The following CTSH variants were observed in gnomAD, a reference collection of about 807,000 sequenced individuals.
CTSH encodes cathepsin H, also known as pro-cathepsin H.
A neutral mutation model predicts 56.3 loss-of-function variants in CTSH; 52 were observed. The ratio of observed to expected loss-of-function variants is 0.92; its 90% CI spans 0.74 to 1.16. The LOEUF (loss-of-function observed/expected upper bound fraction) is 1.16, where lower values mean the gene tolerates loss of function less well. Ranked by LOEUF, CTSH falls within the 50% of genes most tolerant of loss-of-function variation. The probability of loss-of-function intolerance (pLI) is 0.00; values close to 1 mark genes in which losing one functional copy is unlikely to be tolerated. For missense variants in CTSH, 406 were observed against 424.5 expected (o/e 0.96, Z 0.38); for synonymous variants, 174 against 155.7 (o/e 1.12, Z -0.88).
In CTSH at chr15:78,921,773, G is replaced by A. The variant is rs147089658; in HGVS notation, c.*357C>T. On this transcript the variant is annotated 3_prime_UTR_variant, in exon 12 of 12. Coordinates refer to ENST00000220166, the MANE Select transcript of CTSH (RefSeq NM_004390.5). Reference sequence around the variant, plus strand: ...GCCCAGGACCAGCATGCTCCATCTGGGGAGGTGCTCACTCAATGTTTATTG... The same window carrying A: ...GCCCAGGACCAGCATGCTCCATCTGAGGAGGTGCTCACTCAATGTTTATTG... 19 of 221,272 alleles carry A rather than the reference G, an allele frequency of 8.6e-5. No homozygotes were observed. The East Asian group carries it at 2.4e-3, about 28-fold the overall frequency. 13.7% of individuals were successfully genotyped at this position (221,272 alleles called of 1,614,324 possible).
rs1376887728 is a variant in CTSH, at chr15:78,929,441, C to T, written c.601G>A (p.Gly201Ser). The change falls in exon 8 of 12, where the codon GGT (glycine) becomes AGT (serine). Residue 201 changes from glycine (G) to serine (S), a missense_variant. By Grantham distance (56) the Gly-to-Ser change is moderately conservative. Coordinates refer to ENST00000220166, the MANE Select transcript of CTSH (RefSeq NM_004390.5). ...EYILYNKGIM[G>S]EDTYPYQGKD... ...CCCTGGTAGGGGTAGGTGTCTTCAC[C>T]CATGATCCCCTTGTTGTACAGGATA... 2.5e-6 allele frequency: 4 copies of T among 1,612,142 alleles called. No individual in the cohort carries two copies. Among genetic ancestry groups the T allele is most frequent in the Non-Finnish European group, 2.5e-6 (3 of 1,179,078 alleles).
At chr15:78,944,721 G>C (rs1027649020) in intron 1 of CTSH, 170 bp downstream of exon 1, 6 of 1,236,026 alleles carry the variant, frequency 4.9e-6, no homozygotes, top group East Asian at 3.1e-5. Flanking sequence ...GAGAACCCCC[G>C]CCTATAATGC....
At chr15:78,930,723 C>T (rs2055039127) in intron 7 of CTSH, among the ~76,000 whole-genome samples, 1 of 152,018 alleles carries the variant, frequency 6.6e-6, no homozygotes, top group Non-Finnish European at 1.5e-5. Context: ...ACCCCTGGGT[C>T]CCCAGGACTT....
At chr15:78,931,377 G>C in intron 7 of CTSH, 74 bp downstream of exon 7, 2 of 1,581,334 alleles carry the variant, frequency 1.3e-6, no homozygotes, top group South Asian at 2.2e-5. Flanking sequence ...GGCAGACCCA[G>C]CACACACTGG....
chr15:78,932,288 C>A, intron 6 of CTSH, 84 bp downstream of exon 6: 1 of 1,271,562 alleles, frequency 7.9e-7, no homozygotes, highest in Non-Finnish European at 1.1e-6. Context: ...TTAGCCAATG[C>A]TCCAGGGAAA....
At chr15:78,925,774 A>C (rs150108920) in intron 9 of CTSH, 180 of 248,646 alleles carry the variant, frequency 7.2e-4, no homozygotes, top group African/African-American at 3.6e-3. Context: ...ATAAACCCAG[A>C]GTCTACAAAG....
intron 1 of CTSH, 65 bp downstream of exon 1, chr15:78,944,826 A>G (rs1460969076): frequency 6.7e-7 from 1 of 1,488,642 alleles, no homozygotes; most frequent in East Asian, 2.7e-5. Flanking sequence ...GCCCCTGGCC[A>G]AGTTCTCCCA....
chr15:78,944,930 G>A lies in CTSH; in HGVS notation c.52C>T (p.Pro18Ser), dbSNP rs2055366721. The change falls in exon 1 of 12, where the codon CCC becomes TCC. Residue 18 changes from proline (P) to serine (S), a missense_variant. By Grantham distance (74) the Pro-to-Ser change is moderately conservative. Coordinates refer to ENST00000220166, the MANE Select transcript of CTSH (RefSeq NM_004390.5). ...CACAGTTCGGCGGCACCGCAGACGGGGACTCCCAGGAGCCAGGCCCCGGCG... is the reference window on the plus strand; with the variant it reads ...CACAGTTCGGCGGCACCGCAGACGGAGACTCCCAGGAGCCAGGCCCCGGCG... The part of the protein sequence containing the change: ...LCAGAWLLGV[P>S]VCGAAELCVN... 1.2e-5 allele frequency: 19 copies of A among 1,548,536 alleles called. No homozygotes were observed. The highest frequency in any genetic ancestry group is 1.7e-5 in the Non-Finnish European group (19 of 1,146,172).
At chr15:78,923,729 A>G (rs2054829834) in intron 10 of CTSH, among the ~76,000 whole-genome samples, 2 of 152,218 alleles carry the variant, frequency 1.3e-5, no homozygotes, top group Non-Finnish European at 2.9e-5. Flanking sequence ...TGTAGGCAAC[A>G]GTGTCTGGCA....
At chr15:78,931,889 T>C in intron 6 of CTSH, 1 of 1,220,068 alleles carries the variant, frequency 8.2e-7, no homozygotes. Context: ...CCCAGGGTCC[T>C]CATGGCATCA....
chr15:78,926,983 C>CATACAGTGTGTACATACAGTGT, intron 9 of CTSH: 1 of 152,292 alleles, frequency 6.6e-6, no homozygotes, highest in Non-Finnish European at 1.5e-5. Context: ...TACATACATT[C>CATACAGTGTGTACATACAGTGT]GTGGGCGCAC....
intron 1 of CTSH, among the ~76,000 whole-genome samples, chr15:78,942,731 C>G (rs1050493735): frequency 6.6e-6 from 1 of 152,170 alleles, no homozygotes; most frequent in Non-Finnish European, 1.5e-5. Context: ...GGCTCTCTCC[C>G]AGTTTTAGCA....
At chr15:78,931,885 G>T in intron 6 of CTSH, 5 of 1,224,490 alleles carry the variant, frequency 4.1e-6, no homozygotes, top group Non-Finnish European at 5.2e-6. Flanking sequence ...ACAACCCAGG[G>T]TCCTCATGGC....
At chr15:78,938,499 C>T (rs1461277996) in intron 2 of CTSH, among the ~76,000 whole-genome samples, 4 of 152,172 alleles carry the variant, frequency 2.6e-5, no homozygotes, top group Admixed American at 6.5e-5. Flanking sequence ...CTCCCACATA[C>T]GAGTGAGAAC....
rs553875646 is a variant in CTSH at position 78,926,876 on chromosome 15, T to G, written c.699+837A>C. On this transcript the variant is annotated intron_variant, in intron 9 of 11. Transcript: ENST00000220166. ...TGAGGGTTGGTACAGCACCTAGAAG[T>G]ACTCCATCAAGTTAAGATGTTATTG... 2.0e-5 allele frequency: 3 copies of G among 152,308 alleles called. No individual in the cohort carries two copies. The East Asian group carries it at 5.8e-4, about 29-fold the overall frequency. The allele number at this position is 152,308 out of a possible 1,614,324, so 9.4% of individuals were successfully genotyped here. A position where few individuals can be genotyped will look rare whatever the true frequency, so the allele number is the denominator to read the frequency against.
intron 9 of CTSH, chr15:78,927,454 A>T: frequency 1.9e-6 from 1 of 540,312 alleles, no homozygotes; most frequent in Non-Finnish European, 3.3e-6. Context: ...TTTACAAGCA[A>T]GAAAACAGAA....
intron 1 of CTSH, among the ~76,000 whole-genome samples, chr15:78,943,703 G>A (rs891525721): frequency 9.2e-5 from 14 of 152,208 alleles, no homozygotes; most frequent in African/African-American, 3.4e-4. Flanking sequence ...TACAATCTAT[G>A]GTTGCTATCA....
At chr15:78,937,463 C>G (rs1467000666) in intron 2 of CTSH, 40 bp from the exon 3 acceptor site, 2 of 1,553,264 alleles carry the variant, frequency 1.3e-6, no homozygotes, top group Non-Finnish European at 1.8e-6. Flanking sequence ...TGGAAACAGG[C>G]TGCAGCTCCC....
At chr15:78,923,808 T>TACA (rs1334933902) in intron 10 of CTSH, among the ~76,000 whole-genome samples, 4 of 152,154 alleles carry the variant, frequency 2.6e-5, no homozygotes, top group East Asian at 1.9e-4. Context: ...ATGGCAAAAA[T>TACA]ACAACTTTTT....
Sources: allele counts gnomAD v4.1 joint callset (sites outside exome capture counted in the v4.1 genomes callset), GRCh38; gene constraint gnomAD v4.1.1; transcripts MANE v1.5; gene names NCBI Gene and HGNC (gene_info 2026-07-23, HGNC 2026-07-21).